The following PPIP5K2 variants were observed in gnomAD, a reference collection of about 807,000 sequenced individuals.
PPIP5K2 encodes the protein diphosphoinositol pentakisphosphate kinase 2, also known as inositol hexakisphosphate and diphosphoinositol-pentakisphosphate kinase 2.
A neutral mutation model predicts 154.6 loss-of-function variants in PPIP5K2; 105 were observed. The observed-to-expected ratio is 0.68, with a 90% CI of 0.58 to 0.80. The LOEUF (loss-of-function observed/expected upper bound fraction) is 0.80, where lower values mean the gene tolerates loss of function less well. Ranked by LOEUF, PPIP5K2 falls within the 30% of genes least tolerant of loss-of-function variation. PPIP5K2 has a pLI of 0.00. For missense variants in PPIP5K2, 992 were observed against 1,504.6 expected (o/e 0.66, Z 5.64); for synonymous variants, 480 against 490.3 (o/e 0.98, Z 0.28).
chr5:103,129,429 C>A lies in PPIP5K2; in HGVS notation c.-161C>A. On this transcript the variant is annotated 5_prime_UTR_variant, in exon 2 of 31. Transcript: ENST00000358359. ...TATCTAAGAACAAAAGAGTATTTGC[C>A]AACAGTCATCATAATATCAAGTGAT... 1 of 457,616 alleles carries A rather than the reference C, an allele frequency of 2.2e-6. No individual in the cohort carries two copies. Among genetic ancestry groups the A allele is most frequent in the Non-Finnish European group, 3.7e-6 (1 of 268,046 alleles). The allele number at this position is 457,616 out of a possible 1,614,324, so 28.3% of individuals were successfully genotyped here.
chr5:103,134,333 A>G lies in PPIP5K2; in HGVS notation c.310+685A>G, dbSNP rs113004673. On this transcript the variant is annotated intron_variant, in intron 3 of 30. Transcript: ENST00000358359. ...GGGTACATCTGAAAATTGATAGCCT[A>G]AGAATCTGTGAATTAAGTGAATTTC... Among the ~76,000 whole-genome samples the G allele has an allele frequency of 5.8e-3, 878 of 152,280 alleles. 5 individuals carry two copies. The highest frequency in any genetic ancestry group is 0.02 in the African/African-American group (841 of 41,578).
chr5:103,149,250 A>G lies in PPIP5K2; in HGVS notation c.843A>G (p.Arg281=), dbSNP rs1562411493. 3 of 1,614,008 alleles carry G rather than the reference A, an allele frequency of 1.9e-6. No homozygotes were observed. Among genetic ancestry groups the G allele is most frequent in the South Asian group, 1.1e-5 (1 of 91,072 alleles). The change falls in exon 8 of 31, where the codon AGA becomes AGG. Residue 281 remains arginine (R), a synonymous_variant. Transcript: ENST00000358359. ...GAGACAGTGAAGGAAAAGAAGTAAG[A>G]TACCCTGTTATTCTCAATGCACGAG... The part of the protein sequence containing the change: ...VERDSEGKEV[R]YPVILNAREK...
chr5:103,191,729 A>G (rs782228455), intron 29 of PPIP5K2, among the ~76,000 whole-genome samples: 4 of 152,048 alleles, frequency 2.6e-5, no homozygotes, highest in Admixed American at 1.3e-4. Flanking sequence ...CTTCCTTTTT[A>G]GGTGTGAGAA....
intron 2 of PPIP5K2, among the ~76,000 whole-genome samples, 160 bp from the exon 3 acceptor site, chr5:103,133,293 T>C (rs1344083751): frequency 6.6e-6 from 1 of 152,248 alleles, no homozygotes; most frequent in African/African-American, 2.4e-5. Flanking sequence ...AAATGTTTAT[T>C]ATAACAATGA....
Position 103,138,478 on chromosome 5 carries a change from AAG to A in PPIP5K2, c.487+13_487+14del, listed in dbSNP as rs782704948. On this transcript the variant is annotated intron_variant, in intron 5 of 30. Coordinates refer to ENST00000358359, the MANE Select transcript of PPIP5K2 (RefSeq NM_001276277.3). ...CCCAAATAATCCCAAAGGTAAGAGTAAGAGATTTTAGGTAAGCTTCCTTTGCC... is the reference window on the plus strand; with the variant it reads ...CCCAAATAATCCCAAAGGTAAGAGTAAGATTTTAGGTAAGCTTCCTTTGCC... 5.7e-6 allele frequency: 9 copies of A among 1,570,376 alleles called. No homozygotes were observed. The South Asian group carries it at 9.1e-5, about 16-fold the overall frequency.
At position 103,159,050 on chromosome 5, in the gene PPIP5K2, A is replaced by C. The variant is rs563092325; in HGVS notation, c.1738-96A>C. 8.0e-6 allele frequency: 7 copies of C among 870,902 alleles called. No individual in the cohort carries two copies. In the South Asian group the frequency reaches 1.2e-4, roughly 15 times the overall value. 53.9% of individuals were successfully genotyped at this position (870,902 alleles called of 1,614,324 possible). A position where few individuals can be genotyped will look rare whatever the true frequency, so the allele number is the denominator to read the frequency against. On this transcript the variant is annotated intron_variant, in intron 16 of 30. Coordinates refer to ENST00000358359, the MANE Select transcript of PPIP5K2 (RefSeq NM_001276277.3). ...GTATTAATAAAGTTTATTTATGATA[A>C]ACTTAACTTATACTTTATGAAAATC...
At chr5:103,154,030 CT>C in intron 11 of PPIP5K2, 96 bp downstream of exon 11, 2 of 835,100 alleles carry the variant, frequency 2.4e-6, no homozygotes, top group Middle Eastern at 2.9e-4. Flanking sequence ...TATAGAAAAA[CT>C]TTTATCTACT....
At chr5:103,166,673 C>G (rs868986472) in intron 17 of PPIP5K2, among the ~76,000 whole-genome samples, 2 of 151,628 alleles carry the variant, frequency 1.3e-5, no homozygotes, top group Admixed American at 1.3e-4. Flanking sequence ...TGGAAGTTCC[C>G]CAGTATTTTG....
chr5:103,149,453 C>A, intron 8 of PPIP5K2, 140 bp downstream of exon 8: 1 of 667,848 alleles, frequency 1.5e-6, no homozygotes, highest in African/African-American at 1.9e-5. Context: ...ATGTACTTTT[C>A]AAGGGATTCT....
intron 9 of PPIP5K2, among the ~76,000 whole-genome samples, 165 bp downstream of exon 9, chr5:103,151,539 G>A (rs1554211422): frequency 6.6e-6 from 1 of 151,168 alleles, no homozygotes; most frequent in Non-Finnish European, 1.5e-5. Flanking sequence ...TTATACTTTG[G>A]CTTATCAAAG....
At chr5:103,195,503 C>T (rs556920942) in intron 30 of PPIP5K2, among the ~76,000 whole-genome samples, 119 of 152,172 alleles carry the variant, frequency 7.8e-4, no homozygotes, top group African/African-American at 2.8e-3. Flanking sequence ...ATATTTTCAT[C>T]TCTCCATTCT....
intron 13 of PPIP5K2, among the ~76,000 whole-genome samples, chr5:103,155,392 C>T (rs1397233074): frequency 1.2e-5 from 1 of 82,660 alleles, no homozygotes; most frequent in Non-Finnish European, 2.6e-5. Flanking sequence ...TGTACTTTAT[C>T]TCTTCAGAGT....
At chr5:103,192,984 A>T (rs1378747516) in intron 29 of PPIP5K2, among the ~76,000 whole-genome samples, 1 of 152,162 alleles carries the variant, frequency 6.6e-6, no homozygotes, top group Non-Finnish European at 1.5e-5. Context: ...TGGAAATTCC[A>T]TGAGGAAGAG....
At position 103,205,215 on chromosome 5, in the gene PPIP5K2, T is replaced by G. The variant is rs1464562900; in HGVS notation, c.*3581T>G. ...TGCATAGTATTCCATGGTGTATATG[T>G]GCCACATTTTCTTAATCCAGTCTAT... On this transcript the variant is annotated 3_prime_UTR_variant, in exon 31 of 31. Coordinates refer to ENST00000358359, the MANE Select transcript of PPIP5K2 (RefSeq NM_001276277.3). 6.6e-6 allele frequency: 1 copy of G among 152,264 alleles called. No individual in the cohort carries two copies. Among genetic ancestry groups the G allele is most frequent in the Non-Finnish European group, 1.5e-5 (1 of 68,074 alleles). 9.4% of individuals were successfully genotyped at this position (152,264 alleles called of 1,614,324 possible).
rs535455573 is a variant in PPIP5K2, at chr5:103,202,136, T to C, written c.*502T>C. 2.0e-5 allele frequency: 3 copies of C among 152,894 alleles called. No individual in the cohort carries two copies. Among genetic ancestry groups the C allele is most frequent in the African/African-American group, 4.8e-5 (2 of 41,592 alleles). The allele number at this position is 152,894 out of a possible 1,614,324, so 9.5% of individuals were successfully genotyped here. A position where few individuals can be genotyped will look rare whatever the true frequency, so the allele number is the denominator to read the frequency against. On this transcript the variant is annotated 3_prime_UTR_variant, in exon 31 of 31. Coordinates refer to ENST00000358359, the MANE Select transcript of PPIP5K2 (RefSeq NM_001276277.3). ...CTTTCCCAATTGTTACAGTGACATA[T>C]ATGCTGCAATATTTAACAACTGGAG... is the stretch of plus-strand genomic sequence containing the variant.
Position 103,146,730 on chromosome 5 carries a change from G to A in PPIP5K2, c.642+49G>A, listed in dbSNP as rs375795954. 149 of 1,455,466 alleles carry A rather than the reference G, an allele frequency of 1.0e-4. 1 individual carries two copies. In the Middle Eastern group the frequency reaches 7.6e-3, roughly 74 times the overall value. 90.2% of individuals were successfully genotyped at this position (1,455,466 alleles called of 1,614,324 possible). On this transcript the variant is annotated intron_variant, in intron 6 of 30. Coordinates refer to ENST00000358359, the MANE Select transcript of PPIP5K2 (RefSeq NM_001276277.3). ...TGAATACTCTTCTTTGTACATTGTC[G>A]TGTATTATTAAAAGCAATCAAGCAT... is the stretch of plus-strand genomic sequence containing the variant.
chr5:103,189,793 A>G (rs1191208899), intron 28 of PPIP5K2, among the ~76,000 whole-genome samples: 2 of 152,022 alleles, frequency 1.3e-5, no homozygotes, highest in Non-Finnish European at 2.9e-5. Context: ...TCAATATTTA[A>G]ATGAATCAAA....
intron 5 of PPIP5K2, among the ~76,000 whole-genome samples, chr5:103,140,769 G>A (rs934516507): frequency 1.3e-5 from 2 of 150,614 alleles, no homozygotes; most frequent in East Asian, 2.0e-4. Context: ...CCCGGAAGGC[G>A]GAGCTTGCAG....
Position 103,168,419 on chromosome 5 carries a change from T to C in PPIP5K2, c.2286+124T>C, listed in dbSNP as rs568006619. ...AAAACCAGTAACTTTAAACAGGAAA[T>C]TAGGTAATTATGAATTTATATTTTA... On this transcript the variant is annotated intron_variant, in intron 19 of 30. Transcript: ENST00000358359. 124 of 686,282 alleles carry C rather than the reference T, an allele frequency of 1.8e-4. 1 individual carries two copies. In the East Asian group the frequency reaches 3.5e-3, roughly 19 times the overall value. 42.5% of individuals were successfully genotyped at this position (686,282 alleles called of 1,614,324 possible).
Sources: gnomAD v4.1 joint callset for allele counts (sites outside exome capture counted in the v4.1 genomes callset) on GRCh38, gnomAD v4.1.1 for gene constraint, MANE v1.5 for transcripts, NCBI Gene and HGNC (gene_info 2026-07-23, HGNC 2026-07-21) for gene names.